The following CCNT1 variants were observed in gnomAD, a reference collection of about 807,000 sequenced individuals.
The protein encoded by CCNT1 is cyclin-T1.
Under a neutral mutation model 67.3 loss-of-function variants are expected in CCNT1, and 18 were observed. The observed-to-expected ratio is 0.27, with a 90% CI of 0.18 to 0.40. CCNT1 has a LOEUF of 0.40. CCNT1 is among the 10% of genes least tolerant of loss of function. CCNT1 has a pLI of 1.00. For synonymous variants in CCNT1, 333 were observed against 310.3 expected, an observed-to-expected ratio of 1.07 and a Z score of -0.77; for missense variants, 744 against 884.9, an observed-to-expected ratio of 0.84 and a Z score of 2.02.
chr12:48,707,109 T>G (rs922805979), intron 2 of CCNT1, among the ~76,000 whole-genome samples: 2 of 152,122 alleles, frequency 1.3e-5, no homozygotes, highest in Non-Finnish European at 2.9e-5. Flanking sequence ...TTGTTTCAGA[T>G]GAATATGAAG....
chr12:48,698,206 AG>A, intron 5 of CCNT1, 23 bp from the exon 6 acceptor site: 3 of 1,334,406 alleles, frequency 2.2e-6, no homozygotes, highest in Non-Finnish European at 3.1e-6. Context: ...AAAAAAAGTC[AG>A]GGGTGGGGGA....
rs1398633639 is a variant in CCNT1 at position 48,693,250 on chromosome 12, A to C, written c.1964T>G (p.Ile655Arg). Residue 655 changes from isoleucine to arginine, a missense_variant, in exon 9 of 9, where the codon ATA (isoleucine) becomes AGA (arginine). Ile to Arg is a moderately conservative substitution (Grantham distance 97, BLOSUM62 -3). Around this residue, in one of 3 missense-constraint regions of CCNT1, gnomAD observed 564 missense variants for 574.2 expected, o/e 0.98. Coordinates refer to ENST00000261900, the MANE Select transcript of CCNT1 (RefSeq NM_001240.4). ...GANGHNTTQT[I>R]DYQDTVNMLH... ...CATATTCACAGTGTCTTGATAGTCT[A>C]TTGTCTGGGTCGTGTTGTGACCATT... is the stretch of plus-strand genomic sequence containing the variant. 2 of 1,613,970 alleles carry C rather than the reference A, an allele frequency of 1.2e-6. No homozygotes were observed. Among genetic ancestry groups the C allele is most frequent in the Non-Finnish European group, 1.7e-6 (2 of 1,180,030 alleles).
Position 48,693,238 on chromosome 12 carries a change from T to G in CCNT1, c.1976A>C (p.Asp659Ala). 1 of 1,614,218 alleles carries G rather than the reference T, an allele frequency of 6.2e-7. No homozygotes were observed. Among genetic ancestry groups the G allele is most frequent in the Non-Finnish European group, 8.5e-7 (1 of 1,180,034 alleles). The change falls in exon 9 of 9, where the codon GAC (aspartate) becomes GCC (alanine). Residue 659 changes from aspartate (D) to alanine (A), a missense_variant. Around this residue, in one of 3 missense-constraint regions of CCNT1, gnomAD observed 564 missense variants for 574.2 expected, o/e 0.98. Coordinates refer to ENST00000261900, the MANE Select transcript of CCNT1 (RefSeq NM_001240.4). ...CAGGGAGTGAAGCATATTCACAGTG[T>G]CTTGATAGTCTATTGTCTGGGTCGT... ...HNTTQTIDYQDTVNMLHSLLS... is the reference protein window; with the variant it reads ...HNTTQTIDYQATVNMLHSLLS...
intron 2 of CCNT1, among the ~76,000 whole-genome samples, chr12:48,707,699 AAAGT>A (rs1359890096): frequency 1.3e-5 from 2 of 152,270 alleles, no homozygotes; most frequent in East Asian, 3.8e-4. Context: ...TTTTTAAAAC[AAAGT>A]AATATTTAGA....
At chr12:48,696,379 C>T (rs1026572006) in intron 6 of CCNT1, among the ~76,000 whole-genome samples, 1 of 144,986 alleles carries the variant, frequency 6.9e-6, no homozygotes, top group Non-Finnish European at 1.5e-5. Flanking sequence ...ATTTTAAAAA[C>T]TCTTGAATTA....
intron 5 of CCNT1, among the ~76,000 whole-genome samples, chr12:48,699,114 A>G (rs1018842640): frequency 1.3e-5 from 2 of 152,176 alleles, no homozygotes; most frequent in Non-Finnish European, 2.9e-5. Context: ...CTTCCTCAGG[A>G]CATAGTCTTC....
intron 3 of CCNT1, among the ~76,000 whole-genome samples, chr12:48,704,636 C>T (rs1940326492): frequency 6.6e-6 from 1 of 152,310 alleles, no homozygotes; most frequent in Non-Finnish European, 1.5e-5. Flanking sequence ...TGGTGAAACC[C>T]TGTCTCTGCT....
Position 48,708,184 on chromosome 12 carries a change from C to T in CCNT1, c.244-2288G>A, listed in dbSNP as rs113641200. 9.3e-3 allele frequency among the ~76,000 whole-genome samples: 1,407 copies of T among 151,856 alleles called. 24 individuals are homozygous for T. Among genetic ancestry groups the T allele is most frequent in the African/African-American group, 0.033 (1,360 of 41,392 alleles). On this transcript the variant is annotated intron_variant, in intron 2 of 8. Transcript: ENST00000261900. ...GAGCCCAAAGTTCAAGATCAGCCTG[C>T]GTAACACAATGAGACCCTGTCTCTG...
At chr12:48,711,504 C>T (rs1565621467) in intron 2 of CCNT1, among the ~76,000 whole-genome samples, 1 of 152,078 alleles carries the variant, frequency 6.6e-6, no homozygotes, top group Non-Finnish European at 1.5e-5. Flanking sequence ...AGATTCACTT[C>T]ACCCCAAATT....
At chr12:48,701,258 C>T (rs1213859726) in intron 3 of CCNT1, among the ~76,000 whole-genome samples, 185 bp from the exon 4 acceptor site, 27 of 106,570 alleles carry the variant, frequency 2.5e-4, no homozygotes, top group Non-Finnish European at 3.6e-4. Context: ...CAGAGTCTCC[C>T]TCTGTCACCC....
Position 48,694,113 on chromosome 12 carries a change from A to T in CCNT1, c.1101T>A (p.Asp367Glu), listed in dbSNP as rs776793211. 1 of 1,614,212 alleles carries T rather than the reference A, an allele frequency of 6.2e-7. No homozygotes were observed. The highest frequency in any genetic ancestry group is 8.5e-7 in the Non-Finnish European group (1 of 1,180,026). Residue 367 changes from aspartate (D) to glutamate (E), a missense_variant, in exon 9 of 9, where the codon GAT (aspartate) becomes GAA (glutamate). Coordinates refer to ENST00000261900, the MANE Select transcript of CCNT1 (RefSeq NM_001240.4). Reference protein sequence around the residue: ...LTGVDHSLPQDGSNAFISQKQ... With the variant: ...LTGVDHSLPQEGSNAFISQKQ... Reference sequence around the variant, plus strand: ...TCTGGGAAATAAATGCATTTGAACCATCCTGTGGTAAGGAATGATCAACTC... The same window carrying T: ...TCTGGGAAATAAATGCATTTGAACCTTCCTGTGGTAAGGAATGATCAACTC...
chr12:48,703,518 G>A (rs1341168317), intron 3 of CCNT1, among the ~76,000 whole-genome samples: 1 of 151,664 alleles, frequency 6.6e-6, no homozygotes, highest in Non-Finnish European at 1.5e-5. Context: ...GGTTGCGGTT[G>A]GCTGAGATTG....
intron 3 of CCNT1, among the ~76,000 whole-genome samples, chr12:48,705,117 A>G (rs928656298): frequency 6.6e-6 from 1 of 152,110 alleles, no homozygotes; most frequent in Non-Finnish European, 1.5e-5. Flanking sequence ...CTTTCGCCAT[A>G]AAATTTATGT....
chr12:48,707,274 G>T (rs1052281607), intron 2 of CCNT1, among the ~76,000 whole-genome samples: 2 of 150,764 alleles, frequency 1.3e-5, no homozygotes, highest in African/African-American at 4.9e-5. Flanking sequence ...TGGAACACTA[G>T]ATTTTTTTTC....
At chr12:48,703,981 A>G (rs1051930970) in intron 3 of CCNT1, among the ~76,000 whole-genome samples, 2 of 152,224 alleles carry the variant, frequency 1.3e-5, no homozygotes, top group African/African-American at 4.8e-5. Context: ...TAAAAGCTAG[A>G]AATTATCTAG....
chr12:48,691,241 G>C lies in CCNT1; in HGVS notation c.*1792C>G, dbSNP rs2137218584. ...ACAAATTCCTTTCTATATTAGGCCA[G>C]TACATCATCAATTCCAACAGCCACA... is the stretch of plus-strand genomic sequence containing the variant. On this transcript the variant is annotated 3_prime_UTR_variant, in exon 9 of 9. Transcript: ENST00000261900. 6.6e-6 allele frequency: 1 copy of C among 152,290 alleles called. No individual in the cohort carries two copies. Among genetic ancestry groups the C allele is most frequent in the East Asian group, 1.9e-4 (1 of 5,182 alleles). 9.4% of individuals were successfully genotyped at this position (152,290 alleles called of 1,614,324 possible). A position where few individuals can be genotyped will look rare whatever the true frequency, so the allele number is the denominator to read the frequency against.
chr12:48,704,925 T>C (rs901759786), intron 3 of CCNT1, among the ~76,000 whole-genome samples: 2 of 152,196 alleles, frequency 1.3e-5, no homozygotes, highest in African/African-American at 2.4e-5. Context: ...ATAAATGTAA[T>C]GTGCTTGAAT....
intron 6 of CCNT1, 60 bp downstream of exon 6, chr12:48,698,078 T>A: frequency 8.9e-7 from 1 of 1,129,006 alleles, no homozygotes; most frequent in Non-Finnish European, 1.3e-6. Flanking sequence ...GCACACTGTA[T>A]CAAACTCAAG....
chr12:48,694,513 T>C, intron 8 of CCNT1, 77 bp from the exon 9 acceptor site: 1 of 1,329,424 alleles, frequency 7.5e-7, no homozygotes, highest in South Asian at 1.4e-5. Flanking sequence ...TAGATTGTAC[T>C]TGCAGCAACA....
Sources: allele counts gnomAD v4.1 joint callset (sites outside exome capture counted in the v4.1 genomes callset), GRCh38; gene constraint gnomAD v4.1.1; regional missense constraint gnomAD v4.1.1; transcripts MANE v1.5; gene names NCBI Gene and HGNC (gene_info 2026-07-23, HGNC 2026-07-21).